Variants in PRTFDC1 observed in about 807,000 individuals in gnomAD.
PRTFDC1 encodes the protein phosphoribosyltransferase domain-containing protein 1.
In PRTFDC1, 38 loss-of-function variants were observed where a neutral mutation model predicts 34.6. The ratio of observed to expected loss-of-function variants is 1.10; its 90% CI spans 0.85 to 1.44. The LOEUF (loss-of-function observed/expected upper bound fraction) is 1.44, where lower values mean the gene tolerates loss of function less well. Ranked by LOEUF, PRTFDC1 falls within the 40% of genes most tolerant of loss-of-function variation. The pLI, the probability that PRTFDC1 is intolerant of heterozygous loss-of-function variation, is 0.00. For synonymous variants in PRTFDC1, 93 were observed against 98.1 expected (o/e 0.95, Z 0.31); for missense variants, 270 against 283.0 (o/e 0.95, Z 0.33).
chr10:24,936,004 T>C (rs896292743), intron 3 of PRTFDC1, among the ~76,000 whole-genome samples: 1 of 152,202 alleles, frequency 6.6e-6, no homozygotes, highest in Admixed American at 6.5e-5. Flanking sequence ...CATGCTCAGA[T>C]TTCTGACCTA....
At chr10:24,919,624 T>C (rs113570382) in intron 3 of PRTFDC1, among the ~76,000 whole-genome samples, 8 of 152,034 alleles carry the variant, frequency 5.3e-5, no homozygotes, top group African/African-American at 1.9e-4. Flanking sequence ...AAAGCACAAA[T>C]TGACAAATGG....
chr10:24,937,500 C>A lies in PRTFDC1; in HGVS notation c.156-133G>T, dbSNP rs188841745. On this transcript the variant is annotated intron_variant, in intron 2 of 8. Coordinates refer to ENST00000320152, the MANE Select transcript of PRTFDC1 (RefSeq NM_020200.7). ...TGGGGAAAACCTTGGGAAACAGAAA[C>A]CCACCGATAGAAAAGCTTTGTTAAG... 3 of 710,496 alleles carry A rather than the reference C, an allele frequency of 4.2e-6. No homozygotes were observed. In the East Asian group the frequency reaches 8.9e-5, roughly 21 times the overall value. 44.0% of individuals were successfully genotyped at this position (710,496 alleles called of 1,614,324 possible).
Position 24,848,833 on chromosome 10 carries a change from T to C in PRTFDC1, c.*1011A>G, listed in dbSNP as rs183873598. On this transcript the variant is annotated 3_prime_UTR_variant, in exon 9 of 9. Coordinates refer to ENST00000320152, the MANE Select transcript of PRTFDC1 (RefSeq NM_020200.7). The stretch of plus-strand genomic sequence containing the variant: ...GGAAATGTCTTATAAAACGGAGAAA[T>C]TGGAAAAAAATGTTATTCAGAAAAA... 1.9e-4 allele frequency: 29 copies of C among 152,244 alleles called. No homozygotes were observed. The East Asian group carries it at 4.4e-3, about 23-fold the overall frequency. 9.4% of individuals were successfully genotyped at this position (152,244 alleles called of 1,614,324 possible). A position where few individuals can be genotyped will look rare whatever the true frequency, so the allele number is the denominator to read the frequency against.
In PRTFDC1 at chr10:24,949,739, ATTTTTT is replaced by A. The variant is rs201933925; in HGVS notation, c.48+2783_48+2788del. On this transcript the variant is annotated intron_variant, in intron 1 of 8. Coordinates refer to ENST00000320152, the MANE Select transcript of PRTFDC1 (RefSeq NM_020200.7). ...TGTTTATTTATTTATTTATTTATTT[ATTTTTT>A]TTTTTTTTTTTAAGAAGGAGTTTCA... Among the ~76,000 whole-genome samples the A allele has an allele frequency of 7.3e-3, 858 of 117,054 alleles. 8 individuals are homozygous for A. Among genetic ancestry groups the A allele is most frequent in the African/African-American group, 0.023 (812 of 35,986 alleles). The allele number at this position is 117,054 out of a possible 152,430, so 76.8% of individuals were successfully genotyped here. A position where few individuals can be genotyped will look rare whatever the true frequency, so the allele number is the denominator to read the frequency against.
At chr10:24,866,096 C>A (rs1227323673) in intron 4 of PRTFDC1, among the ~76,000 whole-genome samples, 2 of 152,122 alleles carry the variant, frequency 1.3e-5, no homozygotes, top group Non-Finnish European at 2.9e-5. Flanking sequence ...CACAGTGGTT[C>A]ATTCCTGTAA....
intron 3 of PRTFDC1, among the ~76,000 whole-genome samples, chr10:24,898,284 T>TAAAA (rs1465068046): frequency 4.1e-5 from 1 of 24,360 alleles, no homozygotes; most frequent in Non-Finnish European, 7.8e-5. Flanking sequence ...ATCCCGTCTC[T>TAAAA]ACAAAAAAAA....
At chr10:24,905,099 G>C (rs973252321) in intron 3 of PRTFDC1, among the ~76,000 whole-genome samples, 31 of 151,474 alleles carry the variant, frequency 2.0e-4, no homozygotes, top group Non-Finnish European at 4.3e-4. Context: ...TTGAGCGCAG[G>C]AGTTTTAAAC....
At position 24,856,921 on chromosome 10, in the gene PRTFDC1, C is replaced by G; in HGVS notation, c.498G>C (p.Lys166Asn). The G allele has an allele frequency of 6.2e-7, 1 of 1,611,646 alleles. No individual in the cohort carries two copies. The highest frequency in any genetic ancestry group is 1.1e-5 in the South Asian group (1 of 91,038). The change falls in exon 6 of 9, where the codon AAG becomes AAC. Residue 166 changes from lysine (K) to asparagine (N), a missense_variant. Coordinates refer to ENST00000320152, the MANE Select transcript of PRTFDC1 (RefSeq NM_020200.7). Reference protein sequence around the residue: ...NIEKYKPNMIKVASLLVKRTS... With the variant: ...NIEKYKPNMINVASLLVKRTS... ...ATGAATGTCCAACTCACCTGGCTACCTTAATCATGTTGGGCTTGTATTTCT... is the reference window on the plus strand; with the variant it reads ...ATGAATGTCCAACTCACCTGGCTACGTTAATCATGTTGGGCTTGTATTTCT...
At chr10:24,938,228 C>CAA in intron 2 of PRTFDC1, among the ~76,000 whole-genome samples, 1 of 133,738 alleles carries the variant, frequency 7.5e-6, no homozygotes, top group African/African-American at 2.8e-5. Context: ...GGCTCCTTCT[C>CAA]AAAAAAAAAA....
At chr10:24,877,500 A>G (rs771444913) in intron 3 of PRTFDC1, among the ~76,000 whole-genome samples, 1 of 152,184 alleles carries the variant, frequency 6.6e-6, no homozygotes, top group Non-Finnish European at 1.5e-5. Flanking sequence ...ACCTTTGTGT[A>G]TTTTTAAAGC....
intron 4 of PRTFDC1, among the ~76,000 whole-genome samples, chr10:24,868,587 G>A (rs1453985724): frequency 6.6e-6 from 1 of 152,078 alleles, no homozygotes; most frequent in Admixed American, 6.5e-5. Context: ...GAGTCTACAG[G>A]TGTGCACCAC....
In PRTFDC1 at chr10:24,849,580, T is replaced by G; in HGVS notation, c.*264A>C. 2 of 387,540 alleles carry G rather than the reference T, an allele frequency of 5.2e-6. No individual in the cohort carries two copies. The highest frequency in any genetic ancestry group is 4.0e-5 in the East Asian group (1 of 25,250). The allele number at this position is 387,540 out of a possible 1,614,324, so 24.0% of individuals were successfully genotyped here. A position where few individuals can be genotyped will look rare whatever the true frequency, so the allele number is the denominator to read the frequency against. ...AACAAAGGAAGGCGGAGCTCAGGAGTGTGAAGGTAGATAGCATTGCTGAGT... is the reference window on the plus strand; with the variant it reads ...AACAAAGGAAGGCGGAGCTCAGGAGGGTGAAGGTAGATAGCATTGCTGAGT... On this transcript the variant is annotated 3_prime_UTR_variant, in exon 9 of 9. Transcript: ENST00000320152.
chr10:24,889,772 G>A (rs1170073375), intron 3 of PRTFDC1, among the ~76,000 whole-genome samples: 1 of 152,196 alleles, frequency 6.6e-6, no homozygotes, highest in Non-Finnish European at 1.5e-5. Flanking sequence ...CTTATTTGAT[G>A]TAGGCATGTT....
chr10:24,920,955 T>C (rs1848778533), intron 3 of PRTFDC1, among the ~76,000 whole-genome samples: 1 of 152,192 alleles, frequency 6.6e-6, no homozygotes. Context: ...GCATCTAAAA[T>C]GGTATTCTGT....
Position 24,901,769 on chromosome 10 carries a change from C to T in PRTFDC1, c.340-29706G>A, listed in dbSNP as rs369581716. On this transcript the variant is annotated intron_variant, in intron 3 of 8. Coordinates refer to ENST00000320152, the MANE Select transcript of PRTFDC1 (RefSeq NM_020200.7). ...TAGATAAATAGAGGCTGAAACAAAG[C>T]GACTTCATTTCTAATCTTTCACATG... 2.6e-4 allele frequency among the ~76,000 whole-genome samples: 39 copies of T among 152,270 alleles called. No homozygotes were observed. In the East Asian group the frequency reaches 3.9e-3, roughly 15 times the overall value.
intron 4 of PRTFDC1, among the ~76,000 whole-genome samples, chr10:24,866,360 CAAAAA>C (rs372329425): frequency 1.9e-5 from 1 of 51,786 alleles, no homozygotes; most frequent in Non-Finnish European, 4.1e-5. Flanking sequence ...GATTCTGCCT[CAAAAA>C]AAAAAAAAAA....
chr10:24,914,364 C>T (rs1441583774), intron 3 of PRTFDC1, among the ~76,000 whole-genome samples: 4 of 152,214 alleles, frequency 2.6e-5, no homozygotes, highest in Admixed American at 2.0e-4. Context: ...CATTTGCTAT[C>T]TGCTTTCTAT....
rs114101612 is a variant in PRTFDC1, at chr10:24,900,260, C to A, written c.340-28197G>T. On this transcript the variant is annotated intron_variant, in intron 3 of 8. Coordinates refer to ENST00000320152, the MANE Select transcript of PRTFDC1 (RefSeq NM_020200.7). ...ATTCTTGAGAAAACCTAAGCCAATA[C>A]TGAGCAGATGTGAGAAACGGAACAT... is the stretch of plus-strand genomic sequence containing the variant. Among the ~76,000 whole-genome samples the A allele has an allele frequency of 2.0e-3, 298 of 152,342 alleles. 2 individuals carry two copies. The highest frequency in any genetic ancestry group is 7.0e-3 in the African/African-American group (291 of 41,584).
intron 4 of PRTFDC1, among the ~76,000 whole-genome samples, chr10:24,859,930 G>C (rs1847648526): frequency 6.6e-6 from 1 of 152,128 alleles, no homozygotes; most frequent in Non-Finnish European, 1.5e-5. Context: ...TGATTAATTG[G>C]ATTAGCAGTG....
Sources: allele counts gnomAD v4.1 joint callset (sites outside exome capture counted in the v4.1 genomes callset), GRCh38; gene constraint gnomAD v4.1.1; transcripts MANE v1.5; gene names NCBI Gene and HGNC (gene_info 2026-07-23, HGNC 2026-07-21).